Variants in DMD observed in about 807,000 individuals in gnomAD.
DMD encodes the protein dystrophin, also known as mutant dystrophin.
DMD carries 63 observed loss-of-function variants against 330.1 expected under a neutral mutation model. That is an observed-to-expected ratio of 0.19 (90% CI 0.16 to 0.24). The LOEUF is 0.24. Among genes scored for constraint, DMD ranks in the 10% least tolerant of loss-of-function variants. The probability of loss-of-function intolerance (pLI) is 1.00; values close to 1 mark genes in which losing one functional copy is unlikely to be tolerated. For missense variants in DMD, 3,344 were observed against 2,684.1 expected (o/e 1.25, Z -5.43); for synonymous variants, 1,223 against 959.8 (o/e 1.27, Z -5.07).
At chrX:31,432,716 G>T (rs914915788) in intron 60 of DMD, among the ~76,000 whole-genome samples, 6 of 112,016 alleles carry the variant, frequency 5.4e-5, no homozygotes, top group African/African-American at 1.9e-4. Flanking sequence ...TGTGAACTAT[G>T]AACTATCATG....
chrX:32,882,305 C>A (rs1340942034), intron 2 of DMD, among the ~76,000 whole-genome samples: 1 of 111,810 alleles, frequency 8.9e-6, no homozygotes, highest in African/African-American at 3.3e-5. Context: ...GCGGTAGCTA[C>A]TTTGTGCACT....
intron 1 of DMD, among the ~76,000 whole-genome samples, chrX:33,083,042 A>AAGAG (rs759997903): frequency 3.7e-5 from 4 of 108,149 alleles, no homozygotes; most frequent in South Asian, 3.9e-4. Context: ...AATGCAGAGA[A>AAGAG]AGAGAGAGAG....
chrX:32,729,547 T>C (rs1235169297), intron 7 of DMD, among the ~76,000 whole-genome samples: 2 of 111,491 alleles, frequency 1.8e-5, no homozygotes, highest in African/African-American at 6.5e-5. Context: ...TGCTTCAATG[T>C]CTTATCTTAA....
rs776612168 is a variant in DMD, at chrX:31,596,883, G to C, written c.8217+30790C>G. On this transcript the variant is annotated intron_variant, in intron 55 of 78. Transcript: ENST00000357033. Reference sequence around the variant, plus strand: ...GCAGCAGCATCACCTGGGACCTACTGAATCAGCATCTCTGGGGTTGGGGCT... The same window carrying C: ...GCAGCAGCATCACCTGGGACCTACTCAATCAGCATCTCTGGGGTTGGGGCT... 4.5e-5 allele frequency among the ~76,000 whole-genome samples: 5 copies of C among 112,056 alleles called. No individual in the cohort carries two copies. In the South Asian group the frequency reaches 1.9e-3, roughly 42 times the overall value.
intron 53 of DMD, among the ~76,000 whole-genome samples, chrX:31,659,701 TTAAAAG>T (rs1253779108): frequency 1.0e-5 from 1 of 99,907 alleles, no homozygotes; most frequent in Non-Finnish European, 2.0e-5. Flanking sequence ...TGCAGGGACA[TTAAAAG>T]AACATAATAC....
chrX:32,031,832 A>G (rs1047198876), intron 44 of DMD, among the ~76,000 whole-genome samples: 1 of 111,660 alleles, frequency 9.0e-6, no homozygotes, highest in Non-Finnish European at 1.9e-5. Context: ...CACAAATTCA[A>G]ATGTTTGTCT....
chrX:33,022,070 A>T (rs892965080), intron 1 of DMD, among the ~76,000 whole-genome samples: 4 of 111,714 alleles, frequency 3.6e-5, no homozygotes, highest in African/African-American at 9.7e-5. Context: ...TAGTATATAC[A>T]TATATTCCTA....
At chrX:33,214,205 G>C (rs2052011460), upstream of DMD, among the ~76,000 whole-genome samples, 1 of 110,314 alleles carries the variant, frequency 9.1e-6, no homozygotes. Flanking sequence ...TCCAGGGTTT[G>C]GTCACTACAA....
At chrX:32,718,052 G>C (rs1056454453) in intron 7 of DMD, among the ~76,000 whole-genome samples, 1 of 111,276 alleles carries the variant, frequency 9.0e-6, no homozygotes, top group African/African-American at 3.3e-5. Context: ...TGAGACTTTG[G>C]ACTGTGGACT....
chrX:32,769,435 T>A (rs1488618403), intron 7 of DMD, among the ~76,000 whole-genome samples: 4 of 111,782 alleles, frequency 3.6e-5, no homozygotes, highest in African/African-American at 1.3e-4. Context: ...ACGTGGGAAT[T>A]CAAGATGCAA....
chrX:32,417,346 TTA>T (rs1414583155), intron 29 of DMD, among the ~76,000 whole-genome samples: 1 of 110,812 alleles, frequency 9.0e-6, no homozygotes, highest in Non-Finnish European at 1.9e-5. Context: ...CTCCCTCTGT[TTA>T]TTCCGTAAGG....
intron 44 of DMD, among the ~76,000 whole-genome samples, chrX:31,971,840 T>G (rs1263406045): frequency 8.9e-6 from 1 of 112,096 alleles, no homozygotes; most frequent in Non-Finnish European, 1.9e-5. Flanking sequence ...ATCATATTAA[T>G]GTACTGCTGT....
chrX:32,210,438 C>G (rs761185446), intron 44 of DMD, among the ~76,000 whole-genome samples: 1 of 111,976 alleles, frequency 8.9e-6, no homozygotes, highest in Non-Finnish European at 1.9e-5. Context: ...AGTGATTTTT[C>G]CATCAAAGTT....
intron 1 of DMD, among the ~76,000 whole-genome samples, chrX:33,069,367 T>C (rs749489951): frequency 8.9e-6 from 1 of 111,795 alleles, no homozygotes; most frequent in Admixed American, 9.6e-5. Context: ...GATGTTCACG[T>C]TGATTTATTG....
intron 4 of DMD, among the ~76,000 whole-genome samples, chrX:32,836,108 T>C (rs888482871): frequency 8.2e-5 from 9 of 110,072 alleles, no homozygotes; most frequent in Admixed American, 1.9e-4. Context: ...CACCTCTCAG[T>C]GCAACCTCCG....
At chrX:32,075,968 A>G (rs183541361) in intron 44 of DMD, among the ~76,000 whole-genome samples, 244 of 97,008 alleles carry the variant, frequency 2.5e-3, no homozygotes, top group African/African-American at 8.0e-3. Flanking sequence ...GAATCATTTG[A>G]GCCCACGATG....
At chrX:31,225,549 C>T (rs954540783) in intron 63 of DMD, among the ~76,000 whole-genome samples, 1 of 112,103 alleles carries the variant, frequency 8.9e-6, no homozygotes, top group Non-Finnish European at 1.9e-5. Context: ...TGTGGTTCAC[C>T]GGATTCTTAG....
intron 7 of DMD, among the ~76,000 whole-genome samples, chrX:32,703,872 G>A (rs910288560): frequency 9.0e-6 from 1 of 111,704 alleles, no homozygotes; most frequent in African/African-American, 3.3e-5. Flanking sequence ...TTTATGAAAT[G>A]AGAGCAGTGG....
At chrX:32,680,082 T>G (rs1336291168) in intron 9 of DMD, among the ~76,000 whole-genome samples, 1 of 106,796 alleles carries the variant, frequency 9.4e-6, no homozygotes, top group African/African-American at 3.4e-5. Context: ...CCTGGCTGAT[T>G]TTTGTATTTT....
Sources: gnomAD v4.1 joint callset for allele counts (sites outside exome capture counted in the v4.1 genomes callset) on GRCh38, gnomAD v4.1.1 for gene constraint, MANE v1.5 for transcripts, NCBI Gene and HGNC (gene_info 2026-07-23, HGNC 2026-07-21) for gene names.